Variants in USP25 observed in about 807,000 individuals in gnomAD.
The protein encoded by USP25 is ubiquitin carboxyl-terminal hydrolase 25.
USP25 carries 85 observed loss-of-function variants against 158.5 expected under a neutral mutation model. The observed-to-expected ratio is 0.54, with a 90% CI of 0.45 to 0.64. The LOEUF (loss-of-function observed/expected upper bound fraction) is 0.64, where lower values mean the gene tolerates loss of function less well. Ranked by LOEUF, USP25 falls within the 30% of genes least tolerant of loss-of-function variation. The pLI is 0.00. For synonymous variants in USP25, 464 were observed against 460.4 expected, an observed-to-expected ratio of 1.01 and a Z score of -0.10; for missense variants, 1,242 against 1,327.3, an observed-to-expected ratio of 0.94 and a Z score of 1.00.
At position 15,787,175 on chromosome 21, in the gene USP25, C is replaced by T. The variant is rs1048441133; in HGVS notation, c.393-4327C>T. On this transcript the variant is annotated intron_variant, in intron 4 of 25. Transcript: ENST00000400183. ...AAGAATTAATGTTAAAATGGCCATA[C>T]TACCTGAAGTCATCTCCAGACTTAC... is the stretch of plus-strand genomic sequence containing the variant. 5.9e-5 allele frequency among the ~76,000 whole-genome samples: 9 copies of T among 152,210 alleles called. No homozygotes were observed. In the East Asian group the frequency reaches 1.7e-3, roughly 29 times the overall value.
chr21:15,850,808 G>T (rs1193745981), intron 20 of USP25, among the ~76,000 whole-genome samples: 1 of 151,738 alleles, frequency 6.6e-6, no homozygotes, highest in East Asian at 1.9e-4. Context: ...AAGCATTTTT[G>T]AGTTTGCTAA....
chr21:15,879,328 A>G lies in USP25; in HGVS notation c.*853A>G, dbSNP rs1018754150. 3 of 152,466 alleles carry G rather than the reference A, an allele frequency of 2.0e-5. No individual in the cohort carries two copies. Among genetic ancestry groups the G allele is most frequent in the African/African-American group, 7.2e-5 (3 of 41,396 alleles). 9.4% of individuals were successfully genotyped at this position (152,466 alleles called of 1,614,324 possible). On this transcript the variant is annotated 3_prime_UTR_variant, in exon 26 of 26. Transcript: ENST00000400183. Reference sequence around the variant, plus strand: ...TTAAAAGAAATATTTATATATACACATATATACACATACACACATGTATAT... The same window carrying G: ...TTAAAAGAAATATTTATATATACACGTATATACACATACACACATGTATAT...
chr21:15,858,358 A>G (rs2039259907), intron 20 of USP25, among the ~76,000 whole-genome samples: 1 of 151,518 alleles, frequency 6.6e-6, no homozygotes, highest in Non-Finnish European at 1.5e-5. Context: ...TGTGTTCTTT[A>G]GTGAGGTTTT....
intron 5 of USP25, among the ~76,000 whole-genome samples, chr21:15,792,621 C>A (rs1046415358): frequency 1.6e-4 from 24 of 151,544 alleles, no homozygotes; most frequent in East Asian, 1.2e-3. Flanking sequence ...GATATTAAGG[C>A]AACTAACAGG....
intron 19 of USP25, among the ~76,000 whole-genome samples, chr21:15,849,482 A>T (rs575915038): frequency 5.5e-4 from 84 of 152,192 alleles, no homozygotes; most frequent in Non-Finnish European, 9.7e-4. Context: ...TAAATAGTTC[A>T]CTCAGAGGAT....
intron 1 of USP25, among the ~76,000 whole-genome samples, chr21:15,750,504 A>G (rs1456600469): frequency 1.3e-5 from 2 of 152,204 alleles, no homozygotes; most frequent in South Asian, 4.2e-4. Flanking sequence ...TGCTGGGATT[A>G]CAGGCATGAA....
chr21:15,808,546 TTGTG>T (rs35849786), intron 7 of USP25, among the ~76,000 whole-genome samples: 232 of 148,448 alleles, frequency 1.6e-3, no homozygotes, highest in African/African-American at 4.0e-3. Flanking sequence ...TGGTTTTTGA[TTGTG>T]TGTGTGTGTG....
intron 1 of USP25, among the ~76,000 whole-genome samples, chr21:15,751,882 ATTTAT>A (rs1600808749): frequency 6.6e-6 from 1 of 152,214 alleles, no homozygotes; most frequent in South Asian, 2.1e-4. Context: ...CTCATGATGT[ATTTAT>A]TTTATCTACT....
Position 15,816,464 on chromosome 21 carries a change from A to G in USP25, c.932-2234A>G, listed in dbSNP as rs2036940969. On this transcript the variant is annotated intron_variant, in intron 9 of 25. Transcript: ENST00000400183. This position sits in a 1 kb window ranked among gnomAD's most constrained non-coding sequence, Gnocchi z 4.0. ...CCTCCTTTTTCCTATTCTTTCCTTA[A>G]AAACACATTTCTCTGGCTTTTGTAA... Among the ~76,000 whole-genome samples, 1 of 152,074 alleles carries G rather than the reference A, an allele frequency of 6.6e-6. No individual in the cohort carries two copies. The highest frequency in any genetic ancestry group is 6.5e-5 in the Admixed American group (1 of 15,272).
At chr21:15,804,047 A>G (rs1027562740) in intron 6 of USP25, among the ~76,000 whole-genome samples, 2 of 152,022 alleles carry the variant, frequency 1.3e-5, no homozygotes, top group African/African-American at 4.8e-5. Flanking sequence ...TAAGAACTAA[A>G]TATTATAAGA....
rs541889597 is a variant in USP25, at chr21:15,778,717, A to T, written c.392+690A>T. 2.3e-3 allele frequency among the ~76,000 whole-genome samples: 354 copies of T among 152,236 alleles called. 1 individual carries two copies. Among genetic ancestry groups the T allele is most frequent in the Non-Finnish European group, 3.9e-3 (268 of 67,954 alleles). ...CTAAAAAATACATTTGGTTTTCATAATACCTCTAAAAATGGAGATATAATA... is the reference window on the plus strand; with the variant it reads ...CTAAAAAATACATTTGGTTTTCATATTACCTCTAAAAATGGAGATATAATA... On this transcript the variant is annotated intron_variant, in intron 4 of 25. Transcript: ENST00000400183.
At position 15,773,816 on chromosome 21, in the gene USP25, G is replaced by T. The variant is rs565736856; in HGVS notation, c.269-4088G>T. 4.6e-5 allele frequency among the ~76,000 whole-genome samples: 7 copies of T among 152,240 alleles called. No homozygotes were observed. The South Asian group carries it at 1.5e-3, about 32-fold the overall frequency. ...ATTAAAATGTCAGTCTATTATGTTT[G>T]AATAACATATTTTATGAAAAACACA... is the stretch of plus-strand genomic sequence containing the variant. On this transcript the variant is annotated intron_variant, in intron 3 of 25. Coordinates refer to ENST00000400183, the MANE Select transcript of USP25 (RefSeq NM_001283041.3).
intron 20 of USP25, among the ~76,000 whole-genome samples, chr21:15,862,600 A>G (rs977878154): frequency 6.7e-6 from 1 of 148,352 alleles, no homozygotes; most frequent in African/African-American, 2.5e-5. Flanking sequence ...AATTTGGATA[A>G]TAGGAAGATT....
Position 15,836,286 on chromosome 21 carries a change from T to G in USP25, c.2194+2738T>G, listed in dbSNP as rs1190715673. Among the ~76,000 whole-genome samples, 4 of 152,340 alleles carry G rather than the reference T, an allele frequency of 2.6e-5. No homozygotes were observed. In the East Asian group the frequency reaches 7.7e-4, roughly 29 times the overall value. ...TCCAATTAAGAGTACTAATTCATAT[T>G]ATATTAATCAAATTAGTATTTGTTC... On this transcript the variant is annotated intron_variant, in intron 17 of 25. Coordinates refer to ENST00000400183, the MANE Select transcript of USP25 (RefSeq NM_001283041.3).
intron 20 of USP25, among the ~76,000 whole-genome samples, chr21:15,855,913 C>T (rs973013884): frequency 6.6e-6 from 1 of 152,218 alleles, no homozygotes; most frequent in African/African-American, 2.4e-5. Flanking sequence ...GCATCTTTTA[C>T]TCTAGGTCCT....
chr21:15,811,069 C>CT, intron 8 of USP25, 68 bp from the exon 9 acceptor site: 1 of 1,367,700 alleles, frequency 7.3e-7, no homozygotes, highest in East Asian at 2.3e-5. Context: ...TGTTATAGTT[C>CT]TTTAATATTT....
At chr21:15,814,562 T>A (rs199980929) in intron 9 of USP25, among the ~76,000 whole-genome samples, 6,607 of 91,648 alleles carry the variant, frequency 0.072, no homozygotes, top group Non-Finnish European at 0.075. Flanking sequence ...TGGTCTCAGA[T>A]GGAGATGAGG....
intron 9 of USP25, among the ~76,000 whole-genome samples, chr21:15,812,537 G>C (rs986485453): frequency 1.3e-5 from 2 of 151,984 alleles, no homozygotes; most frequent in African/African-American, 2.4e-5. Context: ...TGTAGTCCCA[G>C]CTACTCAGGA....
intron 1 of USP25, among the ~76,000 whole-genome samples, chr21:15,753,340 C>T (rs1017180795): frequency 6.6e-6 from 1 of 152,136 alleles, no homozygotes; most frequent in Non-Finnish European, 1.5e-5. Context: ...AGAGCTCATT[C>T]CTCACAGGGT....
Sources: gnomAD v4.1 joint callset for allele counts (sites outside exome capture counted in the v4.1 genomes callset) on GRCh38, gnomAD v4.1.1 for gene constraint, Gnocchi (gnomAD v3.1) non-coding constraint, MANE v1.5 for transcripts, NCBI Gene and HGNC (gene_info 2026-07-23, HGNC 2026-07-21) for gene names.